Variants in ACVR1 observed in about 807,000 individuals in gnomAD.
ACVR1 encodes activin receptor type-1.
ACVR1 carries 38 observed loss-of-function variants against 57.1 expected under a neutral mutation model. The observed-to-expected ratio is 0.67, with a 90% CI of 0.51 to 0.87. The LOEUF is 0.87. Ranked by LOEUF, ACVR1 falls within the 40% of genes least tolerant of loss-of-function variation. The pLI is 0.00. For synonymous variants in ACVR1, 212 were observed against 228.1 expected (o/e 0.93, Z 0.63); for missense variants, 463 against 638.2 (o/e 0.73, Z 2.96).
intron 1 of ACVR1, among the ~76,000 whole-genome samples, chr2:157,860,578 G>A (rs539217873): frequency 1.1e-4 from 17 of 152,180 alleles, no homozygotes; most frequent in Non-Finnish European, 1.9e-4. Flanking sequence ...TCCAAGAGAA[G>A]AATATAATAT....
chr2:157,793,134 G>A (rs1469862388), intron 3 of ACVR1, among the ~76,000 whole-genome samples: 2 of 152,154 alleles, frequency 1.3e-5, no homozygotes, highest in South Asian at 2.1e-4. Flanking sequence ...TCCATAAAGA[G>A]GAGATGGCAT....
intron 1 of ACVR1, among the ~76,000 whole-genome samples, chr2:157,834,152 C>T (rs184645178): frequency 3.3e-5 from 5 of 152,246 alleles, no homozygotes; most frequent in East Asian, 1.9e-4. Context: ...AGTGCAGTGG[C>T]GTGACCTCGG....
intron 9 of ACVR1, among the ~76,000 whole-genome samples, chr2:157,757,324 C>T (rs753560550): frequency 1.3e-5 from 2 of 151,616 alleles, no homozygotes; most frequent in African/African-American, 2.4e-5. Context: ...GAAAACTTAT[C>T]CCTATCCCCC....
At chr2:157,745,901 G>T (rs1684949052) in intron 9 of ACVR1, among the ~76,000 whole-genome samples, 1 of 152,136 alleles carries the variant, frequency 6.6e-6, no homozygotes, top group Non-Finnish European at 1.5e-5. Flanking sequence ...ATTAGAAGAG[G>T]TTCTTTTTTC....
rs4029027 is a variant in ACVR1 at position 157,795,377 on chromosome 2, AACACACACACACAC to A, written c.67+4036_67+4049del. On this transcript the variant is annotated intron_variant, in intron 3 of 10. Transcript: ENST00000434821. ...TATAAAAACAAAATGCCTTCCATAGAACACACACACACACACACACACACACACACACACACACA... is the reference window on the plus strand; with the variant it reads ...TATAAAAACAAAATGCCTTCCATAGAACACACACACACACACACACACACA... Among the ~76,000 whole-genome samples, 548 of 134,188 alleles carry A rather than the reference AACACACACACACAC, an allele frequency of 4.1e-3. 7 individuals are homozygous for A. The highest frequency in any genetic ancestry group is 0.012 in the African/African-American group (420 of 35,374). The allele number at this position is 134,188 out of a possible 152,430, so 88.0% of individuals were successfully genotyped here.
intron 9 of ACVR1, among the ~76,000 whole-genome samples, chr2:157,758,796 A>T (rs1199417733): frequency 6.6e-6 from 1 of 151,856 alleles, no homozygotes; most frequent in Non-Finnish European, 1.5e-5. Context: ...GCCACAAAAC[A>T]AGTCTCAACA....
At chr2:157,856,314 C>A (rs1421998662) in intron 1 of ACVR1, among the ~76,000 whole-genome samples, 1 of 152,192 alleles carries the variant, frequency 6.6e-6, no homozygotes, top group Non-Finnish European at 1.5e-5. Flanking sequence ...CTGAGCAACT[C>A]CTGCCTGCTT....
intron 3 of ACVR1, 86 bp downstream of exon 3, chr2:157,799,341 G>C: frequency 1.1e-6 from 1 of 888,934 alleles, no homozygotes; most frequent in Non-Finnish European, 1.9e-6. Context: ...TTTTAAGTTT[G>C]ATAGGCTTAA....
intron 3 of ACVR1, among the ~76,000 whole-genome samples, chr2:157,794,457 C>A (rs537384841): frequency 1.3e-5 from 2 of 152,050 alleles, no homozygotes; most frequent in Non-Finnish European, 2.9e-5. Context: ...CAGACTGGAT[C>A]GAGCTGGATT....
intron 9 of ACVR1, among the ~76,000 whole-genome samples, chr2:157,751,532 G>T (rs573165864): frequency 6.6e-6 from 1 of 152,348 alleles, no homozygotes; most frequent in African/African-American, 2.4e-5. Context: ...TGCTTTCTCA[G>T]CTGGGAAGCT....
At chr2:157,745,105 A>G (rs1559032188) in intron 9 of ACVR1, among the ~76,000 whole-genome samples, 1 of 152,204 alleles carries the variant, frequency 6.6e-6, no homozygotes, top group Non-Finnish European at 1.5e-5. Context: ...ATTAATTTCT[A>G]TTGTTGGAAT....
chr2:157,852,315 T>C (rs572813173), intron 1 of ACVR1, among the ~76,000 whole-genome samples: 3 of 151,914 alleles, frequency 2.0e-5, no homozygotes, highest in Admixed American at 6.6e-5. Flanking sequence ...CTGGGCAACA[T>C]GGCAAAACCC....
At position 157,865,099 on chromosome 2, in the gene ACVR1, G is replaced by GA. The variant is rs59833492; in HGVS notation, c.-183+10696dup. On this transcript the variant is annotated intron_variant, in intron 1 of 10. Transcript: ENST00000434821. ...TCTTTATAGACTCAAACTTACACAG[G>GA]AAAAAAAAAAAAAAAAAAATCATAA... 6.3e-3 allele frequency among the ~76,000 whole-genome samples: 712 copies of GA among 113,866 alleles called. 10 individuals are homozygous for GA. Among genetic ancestry groups the GA allele is most frequent in the African/African-American group, 0.022 (673 of 30,656 alleles). 74.7% of individuals were successfully genotyped at this position (113,866 alleles called of 152,430 possible).
At chr2:157,762,001 A>G (rs2105254124) in intron 8 of ACVR1, among the ~76,000 whole-genome samples, 1 of 152,334 alleles carries the variant, frequency 6.6e-6, no homozygotes, top group Non-Finnish European at 1.5e-5. Context: ...GTGGGGGATG[A>G]CAATTTCATA....
At chr2:157,869,886 T>C (rs770810463) in intron 1 of ACVR1, among the ~76,000 whole-genome samples, 4 of 152,246 alleles carry the variant, frequency 2.6e-5, no homozygotes, top group Non-Finnish European at 4.4e-5. Flanking sequence ...CTTTCACTCC[T>C]ATGCATATTT....
chr2:157,736,540 T>A lies in ACVR1; in HGVS notation c.*991A>T, dbSNP rs1684538669. ...ATAGTTATTTTTTTCTGGCAGAGTT[T>A]AAATGCACGTAATGGATAATTCTGA... On this transcript the variant is annotated 3_prime_UTR_variant, in exon 11 of 11. Coordinates refer to ENST00000434821, the MANE Select transcript of ACVR1 (RefSeq NM_001111067.4). The A allele has an allele frequency of 3.7e-6, 1 of 268,126 alleles. No homozygotes were observed. The allele number at this position is 268,126 out of a possible 1,614,324, so 16.6% of individuals were successfully genotyped here. A position where few individuals can be genotyped will look rare whatever the true frequency, so the allele number is the denominator to read the frequency against.
At chr2:157,760,337 T>C (rs538473224) in intron 9 of ACVR1, among the ~76,000 whole-genome samples, 1 of 152,220 alleles carries the variant, frequency 6.6e-6, no homozygotes, top group East Asian at 1.9e-4. Flanking sequence ...AGACGTTGGT[T>C]AATGGCTATA....
intron 1 of ACVR1, among the ~76,000 whole-genome samples, chr2:157,826,987 A>T (rs1170479814): frequency 6.6e-6 from 1 of 152,032 alleles, no homozygotes; most frequent in Non-Finnish European, 1.5e-5. Context: ...AAAAGCATTA[A>T]TAATTTCAAG....
chr2:157,757,732 G>A (rs1333831066), intron 9 of ACVR1, among the ~76,000 whole-genome samples: 2 of 151,790 alleles, frequency 1.3e-5, no homozygotes, highest in Non-Finnish European at 2.9e-5. Flanking sequence ...TCACTAGACT[G>A]GCCCTACAAG....
Sources: gnomAD v4.1 joint callset for allele counts (sites outside exome capture counted in the v4.1 genomes callset) on GRCh38, gnomAD v4.1.1 for gene constraint, MANE v1.5 for transcripts, NCBI Gene and HGNC (gene_info 2026-07-23, HGNC 2026-07-21) for gene names.